The following ZNF804B variants were observed in gnomAD, a reference collection of about 807,000 sequenced individuals.
The protein encoded by ZNF804B is zinc finger 804B.
Under a neutral mutation model 101.4 loss-of-function variants are expected in ZNF804B, and 80 were observed. The ratio of observed to expected loss-of-function variants is 0.79; its 90% CI spans 0.66 to 0.95. ZNF804B has a LOEUF of 0.95. Ranked by LOEUF, ZNF804B falls within the 40% of genes least tolerant of loss-of-function variation. ZNF804B has a pLI of 0.00. For missense variants in ZNF804B, 1,673 were observed against 1,561.9 expected (o/e 1.07, Z -1.20); for synonymous variants, 622 against 558.8 (o/e 1.11, Z -1.59).
intron 1 of ZNF804B, among the ~76,000 whole-genome samples, chr7:89,164,643 A>G (rs1281017518): frequency 6.6e-6 from 1 of 152,116 alleles, no homozygotes; most frequent in African/African-American, 2.4e-5. Context: ...ACAATACTGA[A>G]AATATGTTCC....
chr7:88,861,250 G>T (rs1406893454), intron 1 of ZNF804B, among the ~76,000 whole-genome samples: 2 of 152,106 alleles, frequency 1.3e-5, no homozygotes, highest in East Asian at 3.9e-4. Flanking sequence ...ACCATTTTAA[G>T]CACTAGTCAT....
chr7:88,872,872 T>C (rs886541908), intron 1 of ZNF804B, among the ~76,000 whole-genome samples: 1 of 151,260 alleles, frequency 6.6e-6, no homozygotes, highest in African/African-American at 2.4e-5. Flanking sequence ...TCTATCATTG[T>C]TGGACATTTG....
At chr7:89,001,406 AAAGAC>A (rs1278941853) in intron 1 of ZNF804B, among the ~76,000 whole-genome samples, 1 of 151,614 alleles carries the variant, frequency 6.6e-6, no homozygotes, top group Non-Finnish European at 1.5e-5. Flanking sequence ...TCTTGGGAAA[AAAGAC>A]AGAAACACAA....
intron 1 of ZNF804B, among the ~76,000 whole-genome samples, chr7:89,211,483 T>C (rs1788802798): frequency 6.6e-6 from 1 of 152,154 alleles, no homozygotes; most frequent in Non-Finnish European, 1.5e-5. Flanking sequence ...TCTTCTAGGA[T>C]TTTTGTTGTT....
intron 1 of ZNF804B, among the ~76,000 whole-genome samples, chr7:89,088,043 T>C (rs919921070): frequency 3.3e-5 from 5 of 151,726 alleles, no homozygotes; most frequent in Admixed American, 2.0e-4. Flanking sequence ...CAAGAGAGTA[T>C]ATTTGATTTT....
intron 2 of ZNF804B, among the ~76,000 whole-genome samples, chr7:89,219,717 A>G (rs1195324126): frequency 1.8e-5 from 2 of 113,280 alleles, no homozygotes; most frequent in African/African-American, 7.1e-5. Flanking sequence ...TACCAAATGG[A>G]CCTGGCATGT....
At chr7:88,803,842 T>C (rs1028823309) in intron 1 of ZNF804B, among the ~76,000 whole-genome samples, 32 of 151,912 alleles carry the variant, frequency 2.1e-4, no homozygotes, top group African/African-American at 6.8e-4. Flanking sequence ...TGGGAAACAA[T>C]GAAGTCATGA....
At chr7:89,034,210 G>A (rs1434420738) in intron 1 of ZNF804B, among the ~76,000 whole-genome samples, 4 of 152,196 alleles carry the variant, frequency 2.6e-5, no homozygotes, top group East Asian at 3.9e-4. Flanking sequence ...ATAAAGCAAA[G>A]TCACTGCCAT....
chr7:89,292,582 A>G (rs751889724), intron 2 of ZNF804B, among the ~76,000 whole-genome samples: 1 of 152,118 alleles, frequency 6.6e-6, no homozygotes, highest in Non-Finnish European at 1.5e-5. Context: ...AAAGCAAGAA[A>G]TTAAATCATA....
At chr7:88,962,841 C>G (rs1045951838) in intron 1 of ZNF804B, among the ~76,000 whole-genome samples, 1 of 148,294 alleles carries the variant, frequency 6.7e-6, no homozygotes, top group Non-Finnish European at 1.5e-5. Flanking sequence ...TAGTTTTTTT[C>G]TGTAACAGAA....
At chr7:89,136,319 G>A (rs1364262143) in intron 1 of ZNF804B, among the ~76,000 whole-genome samples, 1 of 151,994 alleles carries the variant, frequency 6.6e-6, no homozygotes, top group Non-Finnish European at 1.5e-5. Flanking sequence ...CTTTGTGTGT[G>A]TATTTTTTTG....
intron 2 of ZNF804B, among the ~76,000 whole-genome samples, chr7:89,263,748 CA>C (rs1789744104): frequency 6.6e-6 from 1 of 151,986 alleles, no homozygotes; most frequent in Non-Finnish European, 1.5e-5. Context: ...AAGATAGAGG[CA>C]AAGATGGGAG....
rs539007171 is a variant in ZNF804B, at chr7:89,085,748, T to C, written c.109-132407T>C. On this transcript the variant is annotated intron_variant, in intron 1 of 3. Transcript: ENST00000333190. The stretch of plus-strand genomic sequence containing the variant: ...TGATTACAGTAGTTAAAGGCTGTTC[T>C]CTAATGGATTTTACTTGTCACTTTT... 2.6e-5 allele frequency among the ~76,000 whole-genome samples: 4 copies of C among 152,128 alleles called. No homozygotes were observed. In the South Asian group the frequency reaches 8.3e-4, roughly 31 times the overall value.
intron 2 of ZNF804B, among the ~76,000 whole-genome samples, chr7:89,232,705 CCTAT>C (rs1265547704): frequency 6.6e-6 from 1 of 151,808 alleles, no homozygotes; most frequent in East Asian, 1.9e-4. Context: ...TTTAATATAC[CCTAT>C]CTAATATCCC....
chr7:89,189,859 C>G (rs966202496), intron 1 of ZNF804B, among the ~76,000 whole-genome samples: 23 of 152,084 alleles, frequency 1.5e-4, no homozygotes, highest in Non-Finnish European at 2.9e-4. Flanking sequence ...GTAATTTCAA[C>G]TATCAAGCCC....
intron 1 of ZNF804B, among the ~76,000 whole-genome samples, chr7:89,037,555 T>C (rs192308108): frequency 1.3e-4 from 20 of 150,310 alleles, no homozygotes; most frequent in Admixed American, 9.2e-4. Context: ...TAGTGCACAA[T>C]GTAATGCATG....
chr7:88,845,276 TGCGCACGCGCGCGCGCAC>T (rs1038521070), intron 1 of ZNF804B, among the ~76,000 whole-genome samples: 3 of 138,776 alleles, frequency 2.2e-5, no homozygotes, highest in Non-Finnish European at 4.5e-5. Context: ...TGCGCATGTG[TGCGCACGCGCGCGCGCAC>T]GCGCGCGCAC....
At chr7:89,126,105 A>G (rs1790471268) in intron 1 of ZNF804B, among the ~76,000 whole-genome samples, 1 of 151,818 alleles carries the variant, frequency 6.6e-6, no homozygotes, top group South Asian at 2.1e-4. Context: ...ACATATTGGT[A>G]TTCTGGTTTC....
At chr7:89,007,025 C>T (rs547243894) in intron 1 of ZNF804B, among the ~76,000 whole-genome samples, 9 of 152,168 alleles carry the variant, frequency 5.9e-5, no homozygotes, top group African/African-American at 1.9e-4. Context: ...TGGGACACGA[C>T]CTTCAGCACT....
Sources: gnomAD v4.1 joint callset for allele counts (sites outside exome capture counted in the v4.1 genomes callset) on GRCh38, gnomAD v4.1.1 for gene constraint, MANE v1.5 for transcripts, NCBI Gene and HGNC (gene_info 2026-07-23, HGNC 2026-07-21) for gene names.